The following NPAS3 variants were observed in gnomAD, a reference collection of about 807,000 sequenced individuals.
NPAS3 encodes neuronal PAS domain protein 3, also known as neuronal PAS domain-containing protein 3.
Under a neutral mutation model 73.1 loss-of-function variants are expected in NPAS3, and 14 were observed. The ratio of observed to expected loss-of-function variants is 0.19; its 90% CI spans 0.13 to 0.30. The LOEUF (loss-of-function observed/expected upper bound fraction) is 0.30, where lower values mean the gene tolerates loss of function less well. NPAS3 is among the 10% of genes least tolerant of loss of function. NPAS3 has a pLI of 1.00. For synonymous variants in NPAS3, 620 were observed against 541.5 expected (o/e 1.14, Z -2.01); for missense variants, 1,096 against 1,250.0 (o/e 0.88, Z 1.86).
intron 5 of NPAS3, among the ~76,000 whole-genome samples, chr14:33,662,031 G>C (rs370943310): frequency 2.8e-4 from 43 of 152,330 alleles, no homozygotes; most frequent in African/African-American, 9.4e-4. Flanking sequence ...ATCAAATTCA[G>C]AAGGCACAAC....
At chr14:33,145,557 C>T (rs2044209031) in intron 2 of NPAS3, among the ~76,000 whole-genome samples, 1 of 152,102 alleles carries the variant, frequency 6.6e-6, no homozygotes, top group South Asian at 2.1e-4. Flanking sequence ...GATCTACTTT[C>T]TATTCTTCCT....
intron 4 of NPAS3, among the ~76,000 whole-genome samples, chr14:33,476,366 T>A (rs1371805242): frequency 6.6e-6 from 1 of 152,212 alleles, no homozygotes; most frequent in Non-Finnish European, 1.5e-5. Flanking sequence ...TATCCTTTCC[T>A]CAATGACTAC....
intron 4 of NPAS3, among the ~76,000 whole-genome samples, chr14:33,494,102 A>G (rs1379883174): frequency 1.3e-5 from 2 of 152,118 alleles, no homozygotes; most frequent in Non-Finnish European, 2.9e-5. Context: ...CCTACATACA[A>G]TACATTGTAA....
At chr14:33,366,779 GTTTAGT>G (rs2045863990) in intron 3 of NPAS3, among the ~76,000 whole-genome samples, 2 of 152,082 alleles carry the variant, frequency 1.3e-5, no homozygotes, top group South Asian at 4.1e-4. Context: ...GATGTAAGAA[GTTTAGT>G]TTTCTCTGGG....
chr14:32,995,893 G>A (rs899188980), intron 1 of NPAS3, among the ~76,000 whole-genome samples: 3 of 152,174 alleles, frequency 2.0e-5, no homozygotes, highest in African/African-American at 7.2e-5. Context: ...TTGCTGAAAA[G>A]ATACCTGAAA....
At chr14:33,168,723 G>A (rs921882788) in intron 2 of NPAS3, among the ~76,000 whole-genome samples, 4 of 151,764 alleles carry the variant, frequency 2.6e-5, no homozygotes, top group South Asian at 2.1e-4. Flanking sequence ...CCTTTTTCCC[G>A]CTTCACACCT....
intron 2 of NPAS3, among the ~76,000 whole-genome samples, chr14:33,211,713 A>G (rs538889168): frequency 1.3e-5 from 2 of 152,258 alleles, no homozygotes; most frequent in African/African-American, 2.4e-5. Context: ...ACATACATAC[A>G]TATATGTGTG....
intron 2 of NPAS3, among the ~76,000 whole-genome samples, chr14:33,127,870 A>G (rs2043486577): frequency 6.6e-6 from 1 of 152,154 alleles, no homozygotes; most frequent in Non-Finnish European, 1.5e-5. Flanking sequence ...TCCACTTGAT[A>G]CAAAATCTCA....
intron 1 of NPAS3, among the ~76,000 whole-genome samples, chr14:33,046,006 C>T (rs1291007332): frequency 1.3e-5 from 2 of 152,088 alleles, no homozygotes; most frequent in African/African-American, 4.8e-5. Flanking sequence ...AGAACCTCGA[C>T]TAGAGTTCAC....
chr14:33,788,798 C>T (rs977906589), intron 9 of NPAS3, among the ~76,000 whole-genome samples: 1 of 152,118 alleles, frequency 6.6e-6, no homozygotes, highest in Non-Finnish European at 1.5e-5. Context: ...TGAAATCCCT[C>T]TGTTGGTAAC....
chr14:33,195,925 C>T (rs923892258), intron 2 of NPAS3, among the ~76,000 whole-genome samples: 3 of 152,110 alleles, frequency 2.0e-5, no homozygotes, highest in African/African-American at 2.4e-5. Flanking sequence ...TTAATGTACG[C>T]CAGACACACG....
chr14:33,408,221 G>A (rs541659706), intron 4 of NPAS3, among the ~76,000 whole-genome samples: 9 of 152,206 alleles, frequency 5.9e-5, no homozygotes, highest in East Asian at 3.9e-4. Flanking sequence ...GTTCTCAGGA[G>A]TTCACTCTCC....
At chr14:33,511,782 G>T (rs2053067559) in intron 4 of NPAS3, among the ~76,000 whole-genome samples, 1 of 152,074 alleles carries the variant, frequency 6.6e-6, no homozygotes, top group African/African-American at 2.4e-5. Context: ...TGTATAGAAA[G>T]AATGAATTTT....
At chr14:33,149,606 T>G (rs1302563725) in intron 2 of NPAS3, among the ~76,000 whole-genome samples, 2 of 152,208 alleles carry the variant, frequency 1.3e-5, no homozygotes, top group Non-Finnish European at 2.9e-5. Flanking sequence ...TACTTACTTA[T>G]GTATATAAGT....
chr14:33,250,472 G>A (rs2048541611), intron 3 of NPAS3, among the ~76,000 whole-genome samples: 1 of 152,066 alleles, frequency 6.6e-6, no homozygotes, highest in Admixed American at 6.6e-5. Flanking sequence ...CCAAAGAGCG[G>A]TATTTTTCCA....
chr14:33,307,593 A>ATGTGTGTGTGTGT (rs1555371661), intron 3 of NPAS3, among the ~76,000 whole-genome samples: 1 of 138,950 alleles, frequency 7.2e-6, no homozygotes, highest in Non-Finnish European at 1.5e-5. Context: ...TTTTTTTTCA[A>ATGTGTGTGTGTGT]TGTGTGTGTG....
chr14:33,279,438 G>C (rs1003791530), intron 3 of NPAS3, among the ~76,000 whole-genome samples: 1 of 152,042 alleles, frequency 6.6e-6, no homozygotes, highest in Non-Finnish European at 1.5e-5. Context: ...AACTCGCCTA[G>C]AGTCACCAGC....
intron 6 of NPAS3, among the ~76,000 whole-genome samples, chr14:33,730,728 A>G (rs1044356295): frequency 1.1e-4 from 17 of 152,244 alleles, no homozygotes; most frequent in Admixed American, 2.0e-4. Context: ...CAGTGGATAC[A>G]TACTCATTCT....
At chr14:33,137,967 A>C (rs535111240) in intron 2 of NPAS3, among the ~76,000 whole-genome samples, 2 of 152,258 alleles carry the variant, frequency 1.3e-5, no homozygotes, top group East Asian at 3.9e-4. Context: ...GGGTTTTTAA[A>C]ATACAAGCTC....
Sources: gnomAD v4.1 joint callset for allele counts (sites outside exome capture counted in the v4.1 genomes callset) on GRCh38, gnomAD v4.1.1 for gene constraint, MANE v1.5 for transcripts, NCBI Gene and HGNC (gene_info 2026-07-23, HGNC 2026-07-21) for gene names.